The following UBE3B variants were observed in gnomAD, a reference collection of about 807,000 sequenced individuals.
UBE3B encodes the protein ubiquitin-protein ligase E3B.
In UBE3B, 80 loss-of-function variants were observed where a neutral mutation model predicts 132.3. The observed-to-expected ratio is 0.60, with a 90% CI of 0.50 to 0.73. The LOEUF (loss-of-function observed/expected upper bound fraction) is 0.73, where lower values mean the gene tolerates loss of function less well. UBE3B is among the 30% of genes least tolerant of loss of function. The pLI is 0.00. For missense variants in UBE3B, 1,196 were observed against 1,362.5 expected, an observed-to-expected ratio of 0.88 and a Z score of 1.92; for synonymous variants, 487 against 520.4, an observed-to-expected ratio of 0.94 and a Z score of 0.87.
rs746925407 is a variant in UBE3B, at chr12:109,534,639, C to T, written c.3064C>T (p.Arg1022Cys). The stretch of plus-strand genomic sequence containing the variant: ...CGTCCTCCGGGGCTTCTTCACCATC[C>T]GCAAGCGGGAGCCAGGCGGCCGCCT... The part of the protein sequence containing the change: ...GSVLRGFFTI[R>C]KREPGGRLPT... Residue 1022 changes from arginine (R) to cysteine (C), a missense_variant, in exon 28 of 28, where the codon CGC (arginine) becomes TGC (cysteine). Arg to Cys is a radical substitution (Grantham distance 180). Transcript: ENST00000342494. The surrounding 1 kb of genome is among the most constrained non-coding windows in gnomAD (Gnocchi z 5.2). 2.5e-6 allele frequency: 4 copies of T among 1,612,128 alleles called. No individual in the cohort carries two copies. Among genetic ancestry groups the T allele is most frequent in the South Asian group, 1.1e-5 (1 of 90,812 alleles).
intron 9 of UBE3B, 107 bp downstream of exon 9, chr12:109,491,234 T>C: frequency 2.0e-6 from 2 of 1,014,800 alleles, no homozygotes; most frequent in Non-Finnish European, 2.9e-6. Context: ...GCCCATTTTG[T>C]CAGAATTTAT....
chr12:109,543,718 A>T, the UBE3B span, among the ~76,000 whole-genome samples: 1 of 152,220 alleles, frequency 6.6e-6, no homozygotes, highest in African/African-American at 2.4e-5. Flanking sequence ...CTGTAGTCTC[A>T]GCTACTCTGG....
At chr12:109,529,868 A>C in intron 24 of UBE3B, 22 bp from the exon 25 acceptor site, 1 of 1,613,414 alleles carries the variant, frequency 6.2e-7, no homozygotes, top group Non-Finnish European at 8.5e-7. Context: ...TGTCATTGTT[A>C]TCTCTTCCTT....
chr12:109,486,649 A>C, intron 6 of UBE3B, 74 bp downstream of exon 6: 1 of 1,217,576 alleles, frequency 8.2e-7, no homozygotes, highest in Non-Finnish European at 1.1e-6. Context: ...TGTAGACTTT[A>C]GTCTGTATTT....
chr12:109,481,818 C>T (rs1875497778), intron 2 of UBE3B, 76 bp downstream of exon 2: 1 of 152,186 alleles, frequency 6.6e-6, no homozygotes, highest in African/African-American at 2.4e-5. Flanking sequence ...CTCTCCAAGC[C>T]TTTTATAAGT....
At position 109,499,798 on chromosome 12, in the gene UBE3B, CTG is replaced by C; in HGVS notation, c.1109_1110del (p.Val370GlyfsTer5). The C allele has an allele frequency of 6.2e-7, 1 of 1,607,658 alleles. No homozygotes were observed. Among genetic ancestry groups the C allele is most frequent in the East Asian group, 2.2e-5 (1 of 44,470 alleles). On this transcript the variant is annotated frameshift_variant, in exon 12 of 28. Coordinates refer to ENST00000342494, the MANE Select transcript of UBE3B (RefSeq NM_130466.4). LOFTEE classifies it high-confidence loss of function. Reference sequence around the variant, plus strand: ...CCTGTCCTTGGCTGGTTCTCCCAATCTGTGGATTATGGGTGAGTCCCAGATGC... The same window carrying C: ...CCTGTCCTTGGCTGGTTCTCCCAATCTGGATTATGGGTGAGTCCCAGATGC...
chr12:109,530,258 G>A (rs1882810051), intron 25 of UBE3B, among the ~76,000 whole-genome samples, 186 bp downstream of exon 25: 1 of 152,206 alleles, frequency 6.6e-6, no homozygotes, highest in Admixed American at 6.5e-5. Context: ...ATTAAGAAGT[G>A]GAAGCAGGCC....
chr12:109,534,946 C>G lies in UBE3B; in HGVS notation c.*164C>G. 2.0e-6 allele frequency: 1 copy of G among 496,216 alleles called. No individual in the cohort carries two copies. Among genetic ancestry groups the G allele is most frequent in the Non-Finnish European group, 3.4e-6 (1 of 294,124 alleles). 30.7% of individuals were successfully genotyped at this position (496,216 alleles called of 1,614,324 possible). ...TGTGGCCTCAAGAAATTTAGACGCCCACGACAGCACTACACAGCATCTCCA... is the reference window on the plus strand; with the variant it reads ...TGTGGCCTCAAGAAATTTAGACGCCGACGACAGCACTACACAGCATCTCCA... On this transcript the variant is annotated 3_prime_UTR_variant, in exon 28 of 28. Transcript: ENST00000342494. The surrounding 1 kb of genome is among the most constrained non-coding windows in gnomAD (Gnocchi z 5.2).
At chr12:109,542,791 ATC>A in the UBE3B span, among the ~76,000 whole-genome samples, 1 of 152,340 alleles carries the variant, frequency 6.6e-6, no homozygotes, top group Admixed American at 6.5e-5. Context: ...AACCCTGTGA[ATC>A]TCTTGATTTC....
At chr12:109,504,821 T>TC (rs1879459337) in intron 14 of UBE3B, among the ~76,000 whole-genome samples, 2 of 147,952 alleles carry the variant, frequency 1.4e-5, no homozygotes, top group Admixed American at 6.7e-5. Context: ...TTTTTTTTTT[T>TC]CGAGACGGAG....
chr12:109,521,193 G>C lies in UBE3B; in HGVS notation c.2122G>C (p.Gly708Arg), dbSNP rs755644890. The change falls in exon 20 of 28, where the codon GGG becomes CGG. Residue 708 changes from glycine to arginine, a missense_variant. Transcript: ENST00000342494. The surrounding 1 kb of genome is among the most constrained non-coding windows in gnomAD (Gnocchi z 4.2). The part of the protein sequence containing the change: ...LRQLSQHAMK[G>R]VIRVKFVNDL... ...GCAGCTCTCCCAGCACGCCATGAAG[G>C]GGGTCATCCGTGTGAAGTTTGTCAA... 2 of 1,614,204 alleles carry C rather than the reference G, an allele frequency of 1.2e-6. No homozygotes were observed. The highest frequency in any genetic ancestry group is 1.7e-6 in the Non-Finnish European group (2 of 1,180,032).
chr12:109,503,576 A>G (rs925371521), intron 14 of UBE3B, among the ~76,000 whole-genome samples: 4 of 152,244 alleles, frequency 2.6e-5, no homozygotes, highest in Non-Finnish European at 5.9e-5. Flanking sequence ...TAAAATAAAT[A>G]TATTTAAATT....
intron 23 of UBE3B, among the ~76,000 whole-genome samples, chr12:109,525,117 G>T (rs776316953): frequency 1.3e-5 from 2 of 152,094 alleles, no homozygotes; most frequent in Non-Finnish European, 1.5e-5. Context: ...TCGCGCTTGG[G>T]CACCTCAGAA....
chr12:109,489,182 C>A (rs1244547639), intron 7 of UBE3B, among the ~76,000 whole-genome samples: 1 of 152,198 alleles, frequency 6.6e-6, no homozygotes, highest in Non-Finnish European at 1.5e-5. Flanking sequence ...GCATTGCCCT[C>A]CAGGGACTTT....
At chr12:109,496,325 AAAT>A (rs1394166328) in intron 9 of UBE3B, among the ~76,000 whole-genome samples, 1 of 152,238 alleles carries the variant, frequency 6.6e-6, no homozygotes, top group Admixed American at 6.5e-5. Flanking sequence ...TGGCTATTAT[AAAT>A]AGTGCTGCTG....
chr12:109,531,655 C>T (rs1882951425), intron 26 of UBE3B, among the ~76,000 whole-genome samples: 2 of 152,110 alleles, frequency 1.3e-5, no homozygotes, highest in South Asian at 4.1e-4. Context: ...AAGAGGCCCT[C>T]ACGCAGTCCA....
Position 109,488,551 on chromosome 12 carries a change from TG to T in UBE3B, c.448-20del. 3 of 1,605,928 alleles carry T rather than the reference TG, an allele frequency of 1.9e-6. No homozygotes were observed. Among genetic ancestry groups the T allele is most frequent in the Non-Finnish European group, 2.6e-6 (3 of 1,172,546 alleles). ...AATCAGAAGACGTGTGTCTTAATCT[TG>T]CTGTGTTTATTGTTTCCAGCCTGAA... On this transcript the variant is annotated intron_variant, in intron 6 of 27. Coordinates refer to ENST00000342494, the MANE Select transcript of UBE3B (RefSeq NM_130466.4).
Position 109,483,558 on chromosome 12 carries a change from A to G in UBE3B, c.7A>G (p.Thr3Ala), listed in dbSNP as rs756283868. Residue 3 changes from threonine (T) to alanine (A), a missense_variant, in exon 3 of 28, where the codon ACC (threonine) becomes GCC (alanine). By Grantham distance (58) the Thr-to-Ala change is moderately conservative. Coordinates refer to ENST00000342494, the MANE Select transcript of UBE3B (RefSeq NM_130466.4). Reference protein sequence around the residue: MFTLSQTSRAWFI... With the variant: MFALSQTSRAWFI... ...TTTGTGCAAGTTTGCAAACATGTTC[A>G]CCCTGTCTCAGACCTCGAGAGCATG... The G allele has an allele frequency of 1.3e-6, 2 of 1,572,814 alleles. No homozygotes were observed. The highest frequency in any genetic ancestry group is 2.4e-5 in the South Asian group (2 of 84,160).
rs770019299 is a variant in UBE3B, at chr12:109,497,849, C to G, written c.745C>G (p.Leu249Val). 1.9e-6 allele frequency: 3 copies of G among 1,614,214 alleles called. No homozygotes were observed. The highest frequency in any genetic ancestry group is 2.2e-5 in the South Asian group (2 of 91,082). ...PVIAAQFSDN[L>V]IRPFLIHIMS... ...GATTGCTGCACAGTTCTCAGACAAT[C>G]TGATTCGGCCGTTCCTCATCCACAT... Residue 249 changes from leucine (L) to valine (V), a missense_variant, in exon 10 of 28, where the codon CTG (leucine) becomes GTG (valine). Leu to Val is a conservative substitution (Grantham distance 32). Transcript: ENST00000342494.
Sources: allele counts gnomAD v4.1 joint callset (sites outside exome capture counted in the v4.1 genomes callset), GRCh38; gene constraint gnomAD v4.1.1; non-coding constraint Gnocchi (gnomAD v3.1); transcripts MANE v1.5; gene names NCBI Gene and HGNC (gene_info 2026-07-23, HGNC 2026-07-21).